Variants in MRTFA observed in about 807,000 individuals in gnomAD.
The protein encoded by MRTFA is myocardin-related transcription factor A.
A neutral mutation model predicts 83.5 loss-of-function variants in MRTFA; 20 were observed. The observed-to-expected ratio is 0.24, with a 90% CI of 0.17 to 0.35. The LOEUF (loss-of-function observed/expected upper bound fraction) is 0.35. MRTFA is among the 10% of genes least tolerant of loss of function. The pLI is 1.00. For missense variants in MRTFA, 1,200 were observed against 1,224.7 expected (o/e 0.98, Z 0.30); for synonymous variants, 659 against 541.2 (o/e 1.22, Z -3.02).
intron 4 of MRTFA, among the ~76,000 whole-genome samples, chr22:40,458,226 T>C (rs1025966876): frequency 7.2e-5 from 11 of 152,246 alleles, no homozygotes; most frequent in African/African-American, 1.9e-4. Flanking sequence ...AAGCCTCTGC[T>C]ATCTGGCACT....
At position 40,410,389 on chromosome 22, in the gene MRTFA, C is replaced by T. The variant is rs562224271; in HGVS notation, c.*1001G>A. The T allele has an allele frequency of 1.6e-3, 387 of 240,628 alleles. 1 individual carries two copies. The highest frequency in any genetic ancestry group is 3.6e-3 in the Admixed American group (64 of 17,776). The allele number at this position is 240,628 out of a possible 1,614,324, so 14.9% of individuals were successfully genotyped here. A position where few individuals can be genotyped will look rare whatever the true frequency, so the allele number is the denominator to read the frequency against. ...ACCCCTACTCCCCTATGAGTCAGCC[C>T]AGAATGTGAAGCCAGTGGCCCCAGG... On this transcript the variant is annotated 3_prime_UTR_variant, in exon 15 of 15. Transcript: ENST00000355630.
At chr22:40,442,054 T>A (rs2053287782) in intron 4 of MRTFA, among the ~76,000 whole-genome samples, 1 of 152,134 alleles carries the variant, frequency 6.6e-6, no homozygotes, top group South Asian at 2.1e-4. Context: ...CACTTTTCCC[T>A]TGCCAGCTCC....
At chr22:40,631,348 C>T (rs745456201) in intron 1 of MRTFA, among the ~76,000 whole-genome samples, 10 of 152,154 alleles carry the variant, frequency 6.6e-5, no homozygotes, top group Admixed American at 1.3e-4. Context: ...TAATGACATG[C>T]ATGTAAAGCT....
intron 1 of MRTFA, among the ~76,000 whole-genome samples, chr22:40,620,938 T>C (rs1019947941): frequency 2.0e-5 from 3 of 152,014 alleles, no homozygotes; most frequent in Non-Finnish European, 2.9e-5. Context: ...TCCCAGCACT[T>C]TGAGAGGCCA....
chr22:40,499,996 ACCGG>A (rs2054430625), intron 3 of MRTFA, among the ~76,000 whole-genome samples: 4 of 104,650 alleles, frequency 3.8e-5, no homozygotes, highest in African/African-American at 1.6e-4. Context: ...ATCTCGGCTC[ACCGG>A]CTCACCGCAA....
chr22:40,466,773 A>G (rs1043395063), intron 3 of MRTFA, among the ~76,000 whole-genome samples: 2 of 152,184 alleles, frequency 1.3e-5, no homozygotes, highest in Non-Finnish European at 2.9e-5. Flanking sequence ...AGTAAACCAT[A>G]TATGAATAGG....
At chr22:40,412,852 T>C (rs2052588510) in intron 14 of MRTFA, 1 of 152,148 alleles carries the variant, frequency 6.6e-6, no homozygotes, top group Non-Finnish European at 1.5e-5. Flanking sequence ...TTAGTTACAA[T>C]GGGCTGGGTG....
In MRTFA at chr22:40,417,409, G is replaced by A. The variant is rs145757367; in HGVS notation, c.2449C>T (p.Pro817Ser). 824 of 1,610,912 alleles carry A rather than the reference G, an allele frequency of 5.1e-4. No individual in the cohort carries two copies. The highest frequency in any genetic ancestry group is 6.2e-4 in the Non-Finnish European group (728 of 1,179,528). Residue 817 changes from proline to serine, a missense_variant, in exon 13 of 15, where the codon CCC becomes TCC. Around this residue, in one of 2 missense-constraint regions of MRTFA, gnomAD observed 1,107 missense variants for 1,041.8 expected, o/e 1.06. Coordinates refer to ENST00000355630, the MANE Select transcript of MRTFA (RefSeq NM_020831.6). ...GGTTCCTTCTTCAGCAGAGAAGTGG[G>A]GGTCCCAAAGAGGGGCTGCAGTGGG... is the stretch of plus-strand genomic sequence containing the variant.
At chr22:40,627,838 T>C (rs543244463) in intron 1 of MRTFA, among the ~76,000 whole-genome samples, 36 of 152,282 alleles carry the variant, frequency 2.4e-4, no homozygotes, top group African/African-American at 8.4e-4. Flanking sequence ...CCGGGCATGA[T>C]GGCACACGCC....
At chr22:40,584,346 A>T (rs966857049) in intron 2 of MRTFA, among the ~76,000 whole-genome samples, 1 of 152,228 alleles carries the variant, frequency 6.6e-6, no homozygotes, top group Non-Finnish European at 1.5e-5. Flanking sequence ...CAGCCTTTCC[A>T]TACATACAAC....
At chr22:40,433,554 G>A in intron 5 of MRTFA, 1 of 159,242 alleles carries the variant, frequency 6.3e-6, no homozygotes. Flanking sequence ...TCCTGACATA[G>A]CTGAAGCCAT....
intron 2 of MRTFA, among the ~76,000 whole-genome samples, chr22:40,563,247 T>A (rs967311800): frequency 2.0e-5 from 3 of 151,994 alleles, no homozygotes; most frequent in Non-Finnish European, 2.9e-5. Flanking sequence ...TTATTATCCA[T>A]CCCCTTCGAA....
chr22:40,580,802 G>A (rs2055936306), intron 2 of MRTFA, among the ~76,000 whole-genome samples: 2 of 152,060 alleles, frequency 1.3e-5, no homozygotes, highest in Admixed American at 6.6e-5. Flanking sequence ...TTTAAAAGAT[G>A]GGGTCTCACT....
intron 3 of MRTFA, among the ~76,000 whole-genome samples, chr22:40,489,971 C>CAAAAAAAAAAAAAAAAAAAAAAA (rs55808950): frequency 9.4e-6 from 1 of 105,882 alleles, no homozygotes; most frequent in African/African-American, 3.7e-5. Flanking sequence ...GACTCTGTCG[C>CAAAAAAAAAAAAAAAAAAAAAAA]AAAAAAAAAA....
intron 1 of MRTFA, among the ~76,000 whole-genome samples, chr22:40,605,988 TGA>T (rs1301035005): frequency 1.3e-5 from 2 of 152,176 alleles, no homozygotes; most frequent in Non-Finnish European, 2.9e-5. Flanking sequence ...GGGACTTCCT[TGA>T]GTGTTTCAGG....
In MRTFA at chr22:40,418,462, A is replaced by G. The variant is rs1243190883; in HGVS notation, c.2276T>C (p.Ile759Thr). 1 of 1,613,714 alleles carries G rather than the reference A, an allele frequency of 6.2e-7. No homozygotes were observed. The highest frequency in any genetic ancestry group is 8.5e-7 in the Non-Finnish European group (1 of 1,179,794). ...AAGGTGGGTCCCTGTGGAGTCGGTG[A>G]TGAGGGTGGGAGGTGCAACCCCCTT... Residue 759 changes from isoleucine (I) to threonine (T), a missense_variant, in exon 12 of 15, where the codon ATC (isoleucine) becomes ACC (threonine). Coordinates refer to ENST00000355630, the MANE Select transcript of MRTFA (RefSeq NM_020831.6).
At position 40,470,231 on chromosome 22, in the gene MRTFA, T is replaced by TTATATATATATATA. The variant is rs71328709; in HGVS notation, c.242-6959_242-6946dup. 3.2e-3 allele frequency among the ~76,000 whole-genome samples: 144 copies of TTATATATATATATA among 45,514 alleles called. 1 individual carries two copies. Among genetic ancestry groups the TTATATATATATATA allele is most frequent in the African/African-American group, 4.0e-3 (24 of 6,016 alleles). The allele number at this position is 45,514 out of a possible 152,430, so 29.9% of individuals were successfully genotyped here. On this transcript the variant is annotated intron_variant, in intron 3 of 14. Transcript: ENST00000355630. ...ACAGCAAGACCCCATCTCCAAAATTTTATATATATATATATATATATATAT... is the reference window on the plus strand; with the variant it reads ...ACAGCAAGACCCCATCTCCAAAATTTTATATATATATATATATATATATATATATATATATATAT...
At chr22:40,457,636 C>A (rs2053620600) in intron 4 of MRTFA, among the ~76,000 whole-genome samples, 2 of 152,062 alleles carry the variant, frequency 1.3e-5, no homozygotes, top group Non-Finnish European at 2.9e-5. Flanking sequence ...ATGAAAAAAA[C>A]AAGCTCTGTC....
intron 6 of MRTFA, among the ~76,000 whole-genome samples, chr22:40,430,708 A>C (rs2053050338): frequency 6.6e-6 from 1 of 151,858 alleles, no homozygotes; most frequent in African/African-American, 2.4e-5. Flanking sequence ...AAAATATAAA[A>C]TATTAGCTGG....
Sources: gnomAD v4.1 joint callset for allele counts (sites outside exome capture counted in the v4.1 genomes callset) on GRCh38, gnomAD v4.1.1 for gene constraint, gnomAD v4.1.1 regional missense constraint, MANE v1.5 for transcripts, NCBI Gene and HGNC (gene_info 2026-07-23, HGNC 2026-07-21) for gene names.